GRM3: variants seen among roughly 807,000 people sequenced by gnomAD.
The protein encoded by GRM3 is metabotropic glutamate receptor 3.
In GRM3, 26 loss-of-function variants were observed where a neutral mutation model predicts 70.5. That is an observed-to-expected ratio of 0.37 (90% CI 0.27 to 0.51). The LOEUF is 0.51. Among genes scored for constraint, GRM3 ranks in the 20% least tolerant of loss-of-function variants. The pLI, the probability that GRM3 is intolerant of heterozygous loss-of-function variation, is 0.93. For missense variants in GRM3, 859 were observed against 1,123.8 expected (o/e 0.76, Z 3.37); for synonymous variants, 443 against 434.9 (o/e 1.02, Z -0.23).
rs374159077 is a variant in GRM3, at chr7:86,839,448, G to A, written c.1934G>A (p.Arg645Gln). 4.6e-5 allele frequency: 74 copies of A among 1,613,176 alleles called. No homozygotes were observed. Among genetic ancestry groups the A allele is most frequent in the African/African-American group, 3.7e-4 (28 of 74,886 alleles). ...TCACCAGTCATCTGTGCATTGCGCC[G>A]ACTCGGGCTGGGGAGTTCCTTCGCT... ...KPSPVICALR[R>Q]LGLGSSFAIC... is the part of the protein sequence containing the mutation. Residue 645 changes from arginine to glutamine, a missense_variant, in exon 4 of 6, where the codon CGA becomes CAA. Coordinates refer to ENST00000361669, the MANE Select transcript of GRM3 (RefSeq NM_000840.3). The surrounding 1 kb of genome is among the most constrained non-coding windows in gnomAD (Gnocchi z 4.5).
chr7:86,722,950 T>G (rs1022571412), intron 1 of GRM3, among the ~76,000 whole-genome samples: 30 of 152,068 alleles, frequency 2.0e-4, no homozygotes, highest in Admixed American at 5.3e-4. Context: ...ATATAACATA[T>G]TTATTCCACC....
In GRM3 at chr7:86,852,875, G is replaced by A. The variant is rs182301167; in HGVS notation, c.2566+2331G>A. On this transcript the variant is annotated intron_variant, in intron 5 of 5. Coordinates refer to ENST00000361669, the MANE Select transcript of GRM3 (RefSeq NM_000840.3). ...ATAGGTAAGAAAATTGAGAATTGAA[G>A]TTACTTCTCAAGGATATACAGTGAT... Among the ~76,000 whole-genome samples, 348 of 152,232 alleles carry A rather than the reference G, an allele frequency of 2.3e-3. 1 individual carries two copies. Among genetic ancestry groups the A allele is most frequent in the Admixed American group, 3.9e-3 (60 of 15,270 alleles).
At chr7:86,840,955 G>A (rs537906421) in intron 4 of GRM3, among the ~76,000 whole-genome samples, 1 of 152,188 alleles carries the variant, frequency 6.6e-6, no homozygotes, top group Admixed American at 6.5e-5. Flanking sequence ...AATAATTCAA[G>A]AGGTCTGTTG....
chr7:86,710,595 G>C (rs1240604688), intron 1 of GRM3, among the ~76,000 whole-genome samples: 1 of 136,058 alleles, frequency 7.3e-6, no homozygotes, highest in Non-Finnish European at 1.6e-5. Context: ...GCGGGTGGTG[G>C]GGAGAGAGAG....
At chr7:86,702,772 C>A (rs1794972251) in intron 1 of GRM3, among the ~76,000 whole-genome samples, 2 of 152,024 alleles carry the variant, frequency 1.3e-5, no homozygotes, top group African/African-American at 4.8e-5. Context: ...GAGTACCTAG[C>A]AGTTCTAACA....
chr7:86,812,333 T>C (rs1252316178), intron 3 of GRM3, among the ~76,000 whole-genome samples: 1 of 151,754 alleles, frequency 6.6e-6, no homozygotes, highest in African/African-American at 2.4e-5. Flanking sequence ...AGGGATTGCC[T>C]GATACAGTGT....
chr7:86,810,366 A>G (rs1264919476), intron 3 of GRM3, among the ~76,000 whole-genome samples: 2 of 152,018 alleles, frequency 1.3e-5, no homozygotes, highest in East Asian at 3.9e-4. Context: ...TATTAAATGA[A>G]AAGATGACAT....
intron 1 of GRM3, among the ~76,000 whole-genome samples, chr7:86,677,348 T>C (rs2115941246): frequency 6.6e-6 from 1 of 152,106 alleles, no homozygotes; most frequent in South Asian, 2.1e-4. Context: ...TGCCTAAGTC[T>C]AATAAGCTGA....
Position 86,778,993 on chromosome 7 carries a change from A to C in GRM3, c.469-7268A>C, listed in dbSNP as rs186455322. ...AAAAGCAAAATTTGGATACACACACACACTCATCATTGAAATAAAGCATGG... is the reference window on the plus strand; with the variant it reads ...AAAAGCAAAATTTGGATACACACACCCACTCATCATTGAAATAAAGCATGG... On this transcript the variant is annotated intron_variant, in intron 2 of 5. Coordinates refer to ENST00000361669, the MANE Select transcript of GRM3 (RefSeq NM_000840.3). 1.3e-3 allele frequency among the ~76,000 whole-genome samples: 204 copies of C among 152,254 alleles called. 1 individual carries two copies. Among genetic ancestry groups the C allele is most frequent in the Middle Eastern group, 3.4e-3 (1 of 294 alleles).
chr7:86,732,777 G>A (rs1387307135), intron 1 of GRM3, among the ~76,000 whole-genome samples: 1 of 152,166 alleles, frequency 6.6e-6, no homozygotes, highest in Non-Finnish European at 1.5e-5. Context: ...TTAAAGTGAA[G>A]TGGAAAATAA....
intron 4 of GRM3, among the ~76,000 whole-genome samples, chr7:86,841,692 G>A (rs773405818): frequency 1.8e-4 from 28 of 152,076 alleles, no homozygotes; most frequent in Non-Finnish European, 3.8e-4. Flanking sequence ...AAATGACAGA[G>A]CAGAAAATAC....
rs1413478624 is a variant in GRM3, at chr7:86,767,546, T to C, written c.468+1933T>C. Among the ~76,000 whole-genome samples, 8 of 105,742 alleles carry C rather than the reference T, an allele frequency of 7.6e-5. No individual in the cohort carries two copies. In the East Asian group the frequency reaches 1.5e-3, roughly 20 times the overall value. 69.4% of individuals were successfully genotyped at this position (105,742 alleles called of 152,430 possible). A position where few individuals can be genotyped will look rare whatever the true frequency, so the allele number is the denominator to read the frequency against. On this transcript the variant is annotated intron_variant, in intron 2 of 5. Transcript: ENST00000361669. ...ATATATATATATATATATATATATA[T>C]ATATATATATATAAATGAAGTATGA...
chr7:86,750,311 C>T lies in GRM3; in HGVS notation c.-140-14695C>T, dbSNP rs1192770229. On this transcript the variant is annotated intron_variant, in intron 1 of 5. Coordinates refer to ENST00000361669, the MANE Select transcript of GRM3 (RefSeq NM_000840.3). ...TCCAAGTATCTTGCACTACAGTTTA[C>T]TTTGTGACCAATAGCATGCTTGTGT... is the stretch of plus-strand genomic sequence containing the variant. 2.0e-5 allele frequency among the ~76,000 whole-genome samples: 3 copies of T among 152,108 alleles called. No homozygotes were observed. The East Asian group carries it at 5.8e-4, about 29-fold the overall frequency.
intron 3 of GRM3, among the ~76,000 whole-genome samples, chr7:86,788,058 A>C (rs538229957): frequency 2.0e-4 from 30 of 152,336 alleles, no homozygotes; most frequent in African/African-American, 7.0e-4. Flanking sequence ...TTTGATGCCA[A>C]AAACATTACA....
intron 1 of GRM3, among the ~76,000 whole-genome samples, chr7:86,762,542 C>T (rs1796505176): frequency 6.6e-6 from 1 of 152,076 alleles, no homozygotes; most frequent in South Asian, 2.1e-4. Flanking sequence ...TTTTTTTCTT[C>T]CTTGGCACCT....
chr7:86,670,530 C>T (rs1449152491), intron 1 of GRM3, among the ~76,000 whole-genome samples: 4 of 152,208 alleles, frequency 2.6e-5, no homozygotes, highest in Non-Finnish European at 5.9e-5. Flanking sequence ...CCAATTGGTT[C>T]CATTTCCAAA....
chr7:86,720,158 T>C (rs1795422693), intron 1 of GRM3, among the ~76,000 whole-genome samples: 1 of 151,822 alleles, frequency 6.6e-6, no homozygotes, highest in Non-Finnish European at 1.5e-5. Flanking sequence ...GATGATAAAG[T>C]CAAATAAGTC....
At chr7:86,744,065 T>C (rs1256401440) in intron 1 of GRM3, among the ~76,000 whole-genome samples, 3 of 152,074 alleles carry the variant, frequency 2.0e-5, no homozygotes, top group East Asian at 3.9e-4. Context: ...CTAAAGCAAA[T>C]GGGCAATGTT....
At chr7:86,806,771 T>C (rs1797802583) in intron 3 of GRM3, among the ~76,000 whole-genome samples, 1 of 152,198 alleles carries the variant, frequency 6.6e-6, no homozygotes, top group South Asian at 2.1e-4. Flanking sequence ...TAGTCAATTT[T>C]GGCTTTTGTT....
Sources: gnomAD v4.1 joint callset for allele counts (sites outside exome capture counted in the v4.1 genomes callset) on GRCh38, gnomAD v4.1.1 for gene constraint, Gnocchi (gnomAD v3.1) non-coding constraint, MANE v1.5 for transcripts, NCBI Gene and HGNC (gene_info 2026-07-23, HGNC 2026-07-21) for gene names.